The following TTC17 variants were observed in gnomAD, a reference collection of about 807,000 sequenced individuals.
TTC17 encodes tetratricopeptide repeat protein 17.
In TTC17, 58 loss-of-function variants were observed where a neutral mutation model predicts 143.8. The observed-to-expected ratio is 0.40, with a 90% CI of 0.33 to 0.50. TTC17 has a LOEUF of 0.50. Among genes scored for constraint, TTC17 ranks in the 20% least tolerant of loss-of-function variants. The pLI, the probability that TTC17 is intolerant of heterozygous loss-of-function variation, is 0.49. For missense variants in TTC17, 1,273 were observed against 1,392.5 expected (o/e 0.91, Z 1.37); for synonymous variants, 501 against 497.8 (o/e 1.01, Z -0.09).
intron 16 of TTC17, among the ~76,000 whole-genome samples, chr11:43,425,486 A>T (rs1947006075): frequency 6.6e-6 from 1 of 152,090 alleles, no homozygotes; most frequent in Non-Finnish European, 1.5e-5. Flanking sequence ...CTATTTTTTT[A>T]AAACAGCACC....
chr11:43,481,499 T>A (rs903898795), intron 21 of TTC17, among the ~76,000 whole-genome samples: 6 of 152,192 alleles, frequency 3.9e-5, no homozygotes, highest in Non-Finnish European at 8.8e-5. Flanking sequence ...AGTGAAGCCA[T>A]CTGGTCCTAG....
chr11:43,446,220 G>T, intron 18 of TTC17: 4 of 1,234,576 alleles, frequency 3.2e-6, no homozygotes, highest in Non-Finnish European at 4.1e-6. Flanking sequence ...AATGCCCTGT[G>T]CCCCCTCTGC....
At chr11:43,436,061 G>A in intron 16 of TTC17, 1 of 1,015,776 alleles carries the variant, frequency 9.8e-7, no homozygotes, top group East Asian at 3.3e-5. Flanking sequence ...AGAAAAACCG[G>A]CATTGTCACA....
intron 21 of TTC17, among the ~76,000 whole-genome samples, chr11:43,476,519 A>G (rs568995656): frequency 6.6e-6 from 1 of 152,362 alleles, no homozygotes; most frequent in East Asian, 1.9e-4. Flanking sequence ...ATCTTCTGAA[A>G]TCTAGGTGGA....
intron 15 of TTC17, among the ~76,000 whole-genome samples, chr11:43,413,953 A>G (rs968505450): frequency 6.6e-6 from 1 of 152,226 alleles, no homozygotes; most frequent in Non-Finnish European, 1.5e-5. Context: ...ACTCAAAGAA[A>G]ATGAGGACAA....
intron 1 of TTC17, among the ~76,000 whole-genome samples, chr11:43,372,695 TAGAC>T (rs1856615990): frequency 1.3e-5 from 2 of 151,972 alleles, no homozygotes; most frequent in African/African-American, 4.8e-5. Flanking sequence ...TTCACCATGT[TAGAC>T]AGGCTAGTCT....
chr11:43,476,154 G>A (rs1384357629), intron 21 of TTC17, among the ~76,000 whole-genome samples: 2 of 152,118 alleles, frequency 1.3e-5, no homozygotes, highest in Non-Finnish European at 2.9e-5. Context: ...CACAATCTAG[G>A]TGAACCAGTT....
intron 1 of TTC17, among the ~76,000 whole-genome samples, chr11:43,361,045 G>A (rs995694678): frequency 3.9e-5 from 6 of 152,170 alleles, no homozygotes; most frequent in African/African-American, 7.2e-5. Flanking sequence ...TAAGAGGCCA[G>A]GGGAGGAAAG....
In TTC17 at chr11:43,358,986, A is replaced by G; in HGVS notation, c.32A>G (p.Tyr11Cys). The G allele has an allele frequency of 1.3e-6, 2 of 1,579,876 alleles. No individual in the cohort carries two copies. Among genetic ancestry groups the G allele is most frequent in the Non-Finnish European group, 1.7e-6 (2 of 1,163,738 alleles). The change falls in exon 1 of 24, where the codon TAC becomes TGC. Residue 11 changes from tyrosine (Y) to cysteine (C), a missense_variant. By Grantham distance (194) the Tyr-to-Cys change is radical. Around this residue, in one of 3 missense-constraint regions of TTC17, gnomAD observed 70 missense variants for 48.5 expected, o/e 1.44. Transcript: ENST00000039989. MAAAVGVRGR[Y>C]ELPPCSGPGW... is the part of the protein sequence containing the mutation. Reference sequence around the variant, plus strand: ...GCGGCAGTAGGGGTTCGTGGCCGGTACGAGCTGCCGCCTTGCTCCGGCCCA... The same window carrying G: ...GCGGCAGTAGGGGTTCGTGGCCGGTGCGAGCTGCCGCCTTGCTCCGGCCCA...
At chr11:43,435,006 G>A (rs569188175) in intron 16 of TTC17, 2 of 152,038 alleles carry the variant, frequency 1.3e-5, no homozygotes, top group South Asian at 4.1e-4. Context: ...CATCAGTCAA[G>A]AAAGAGACAT....
intron 1 of TTC17, among the ~76,000 whole-genome samples, chr11:43,359,864 A>G (rs1565123956): frequency 2.6e-5 from 4 of 152,168 alleles, no homozygotes; most frequent in Admixed American, 1.3e-4. Context: ...GCCTGAACTA[A>G]TTCCTCAGAG....
At chr11:43,452,431 G>A (rs1947679346) in intron 21 of TTC17, among the ~76,000 whole-genome samples, 1 of 152,156 alleles carries the variant, frequency 6.6e-6, no homozygotes, top group Non-Finnish European at 1.5e-5. Context: ...AACCCAGGAG[G>A]CGGAGGTTGC....
At chr11:43,399,797 G>T in intron 8 of TTC17, 91 bp from the exon 9 acceptor site, 1 of 1,325,264 alleles carries the variant, frequency 7.5e-7, no homozygotes. Flanking sequence ...AGTAATTGTT[G>T]CTGAGAACCA....
intron 1 of TTC17, among the ~76,000 whole-genome samples, chr11:43,372,667 T>G (rs1453092562): frequency 6.6e-6 from 1 of 152,018 alleles, no homozygotes; most frequent in Non-Finnish European, 1.5e-5. Context: ...ATTTTTGTAA[T>G]TTTAATAGAG....
intron 15 of TTC17, among the ~76,000 whole-genome samples, chr11:43,410,250 T>C (rs908989041): frequency 1.3e-5 from 2 of 152,254 alleles, no homozygotes; most frequent in Non-Finnish European, 2.9e-5. Flanking sequence ...TATGATAAAC[T>C]CTTTAACTCC....
intron 8 of TTC17, among the ~76,000 whole-genome samples, chr11:43,399,153 T>A (rs970111439): frequency 6.6e-6 from 1 of 152,298 alleles, no homozygotes; most frequent in South Asian, 2.1e-4. Context: ...AGCTAGAGTA[T>A]GAAAGCAAAG....
intron 21 of TTC17, among the ~76,000 whole-genome samples, chr11:43,458,767 G>A (rs369527769): frequency 1.3e-5 from 2 of 152,164 alleles, no homozygotes; most frequent in African/African-American, 4.8e-5. Flanking sequence ...GTCAACTGAG[G>A]TTCAAAAATA....
chr11:43,491,727 C>T (rs1043807217), intron 22 of TTC17: 1 of 344,028 alleles, frequency 2.9e-6, no homozygotes, highest in African/African-American at 2.1e-5. Flanking sequence ...AGACAAGGAG[C>T]TTCACCAGAA....
chr11:43,490,336 A>C lies in TTC17; in HGVS notation c.3128A>C (p.His1043Pro). ...KAIDCLRQALHYAPHQMKDVP... is the reference protein window; with the variant it reads ...KAIDCLRQALPYAPHQMKDVP... The stretch of plus-strand genomic sequence containing the variant: ...ATCGACTGCCTCCGCCAGGCTCTGC[A>C]CTATGCGCCACACCAGATGAAGGTG... Residue 1043 changes from histidine (H) to proline (P), a missense_variant, in exon 22 of 24, where the codon CAC (histidine) becomes CCC (proline). Physicochemically the swap from His to Pro is moderately conservative, Grantham distance 77. Transcript: ENST00000039989. The C allele has an allele frequency of 6.2e-7, 1 of 1,609,398 alleles. No individual in the cohort carries two copies. The highest frequency in any genetic ancestry group is 8.5e-7 in the Non-Finnish European group (1 of 1,177,096).
Sources: allele counts gnomAD v4.1 joint callset (sites outside exome capture counted in the v4.1 genomes callset), GRCh38; gene constraint gnomAD v4.1.1; regional missense constraint gnomAD v4.1.1; transcripts MANE v1.5; gene names NCBI Gene and HGNC (gene_info 2026-07-23, HGNC 2026-07-21).